UQCC2: variants seen among roughly 807,000 people sequenced by gnomAD.
UQCC2 encodes breast cancer-associated protein SGA-81M.
Under a neutral mutation model 19.9 loss-of-function variants are expected in UQCC2, and 21 were observed. The ratio of observed to expected loss-of-function variants is 1.05; its 90% CI spans 0.75 to 1.52. The LOEUF (loss-of-function observed/expected upper bound fraction) is 1.52, where lower values mean the gene tolerates loss of function less well. Ranked by LOEUF, UQCC2 falls within the 40% of genes most tolerant of loss-of-function variation. UQCC2 has a pLI of 0.00. For synonymous variants in UQCC2, 57 were observed against 60.9 expected, an observed-to-expected ratio of 0.94 and a Z score of 0.30; for missense variants, 135 against 157.5, an observed-to-expected ratio of 0.86 and a Z score of 0.76.
chr6:33,699,338 T>C (rs1023246286), intron 3 of UQCC2, among the ~76,000 whole-genome samples: 1 of 152,192 alleles, frequency 6.6e-6, no homozygotes, highest in African/African-American at 2.4e-5. Flanking sequence ...CGGGACTATC[T>C]CCCAGCCTTC....
At chr6:33,710,066 G>C (rs1765747836) in intron 1 of UQCC2, among the ~76,000 whole-genome samples, 1 of 152,074 alleles carries the variant, frequency 6.6e-6, no homozygotes, top group Non-Finnish European at 1.5e-5. Context: ...AAAATATCTA[G>C]GTGCTATCTT....
At chr6:33,711,147 G>C (rs1447220058) in intron 1 of UQCC2, among the ~76,000 whole-genome samples, 1 of 152,184 alleles carries the variant, frequency 6.6e-6, no homozygotes, top group Non-Finnish European at 1.5e-5. Context: ...CTGAGGTCAA[G>C]ACCCCACCCC....
intron 1 of UQCC2, among the ~76,000 whole-genome samples, chr6:33,708,717 C>G (rs574939437): frequency 6.6e-6 from 1 of 152,188 alleles, no homozygotes; most frequent in Non-Finnish European, 1.5e-5. Context: ...AATGAAGAGC[C>G]TACCAGAATC....
rs1765571372 is a variant in UQCC2 at position 33,697,149 on chromosome 6, TTC to T, written c.*502_*503del. On this transcript the variant is annotated 3_prime_UTR_variant, in exon 4 of 4. Coordinates refer to ENST00000607484, the MANE Select transcript of UQCC2 (RefSeq NM_032340.4). ...AGGGATAGAGGCCTAAGGTCCATCC[TTC>T]TCTGAGTCAGTGGGGATGAGGGCCA... 6.5e-6 allele frequency: 1 copy of T among 154,562 alleles called. No individual in the cohort carries two copies. The highest frequency in any genetic ancestry group is 2.4e-5 in the African/African-American group (1 of 41,492). 9.6% of individuals were successfully genotyped at this position (154,562 alleles called of 1,614,324 possible).
At position 33,710,599 on chromosome 6, in the gene UQCC2, A is replaced by G. The variant is rs544774823; in HGVS notation, c.138+950T>C. On this transcript the variant is annotated intron_variant, in intron 1 of 3. Coordinates refer to ENST00000607484, the MANE Select transcript of UQCC2 (RefSeq NM_032340.4). ...TTGCCTTAGGTCTCACCTATGTGTCATCTCCTCAGAAAGGCCCCACTAATA... is the reference window on the plus strand; with the variant it reads ...TTGCCTTAGGTCTCACCTATGTGTCGTCTCCTCAGAAAGGCCCCACTAATA... 5.3e-5 allele frequency among the ~76,000 whole-genome samples: 8 copies of G among 152,284 alleles called. No individual in the cohort carries two copies. In the South Asian group the frequency reaches 1.7e-3, roughly 32 times the overall value.
chr6:33,711,021 T>C (rs1025163292), intron 1 of UQCC2, among the ~76,000 whole-genome samples: 19 of 152,092 alleles, frequency 1.2e-4, no homozygotes, highest in African/African-American at 4.6e-4. Flanking sequence ...TGCGAAATAA[T>C]GAGGTAATGC....
chr6:33,708,230 G>A (rs1302929107), intron 1 of UQCC2, among the ~76,000 whole-genome samples: 1 of 152,224 alleles, frequency 6.6e-6, no homozygotes, highest in African/African-American at 2.4e-5. Context: ...ACCAGGGGAA[G>A]GAAGTGGTTT....
chr6:33,700,575 TCTAA>T lies in UQCC2; in HGVS notation c.214-66_214-63del, dbSNP rs1765627598. The stretch of plus-strand genomic sequence containing the variant: ...AGAGATCAGCACACAAGCCCTGCTC[TCTAA>T]CTGCATTTCACCTAGGCCCTGGGCA... On this transcript the variant is annotated intron_variant, in intron 2 of 3. Transcript: ENST00000607484. 4 of 1,566,976 alleles carry T rather than the reference TCTAA, an allele frequency of 2.6e-6. No homozygotes were observed. In the Admixed American group the frequency reaches 6.7e-5, roughly 26 times the overall value.
intron 2 of UQCC2, 53 bp downstream of exon 2, chr6:33,701,287 CATTCTT>C (rs1228595645): frequency 2.0e-6 from 3 of 1,515,262 alleles, no homozygotes; most frequent in Admixed American, 3.9e-5. Context: ...GATTTTCACT[CATTCTT>C]ATTAGTTGTC....
Position 33,700,511 on chromosome 6 carries a change from G to GTACT in UQCC2, c.214-2_215dup (p.Tyr72Ter). 1 of 1,614,148 alleles carries GTACT rather than the reference G, an allele frequency of 6.2e-7. No individual in the cohort carries two copies. ...TGAAGCTGGTGTCTCTGGGGCGAGG[G>GTACT]TACTGGTCACCGGGGCAGAAAGGAA... On this transcript the variant is annotated stop_gained and frameshift_variant and splice_region_variant, in exon 3 of 4. Coordinates refer to ENST00000607484, the MANE Select transcript of UQCC2 (RefSeq NM_032340.4). LOFTEE classifies it high-confidence loss of function.
At chr6:33,711,367 G>A (rs562886577) in intron 1 of UQCC2, among the ~76,000 whole-genome samples, 182 bp downstream of exon 1, 20 of 152,350 alleles carry the variant, frequency 1.3e-4, no homozygotes, top group Middle Eastern at 3.4e-3. Flanking sequence ...AGCCGGGGGA[G>A]AGCGCTGAAT....
chr6:33,697,939 G>C, intron 3 of UQCC2, 189 bp from the exon 4 acceptor site: 1 of 591,756 alleles, frequency 1.7e-6, no homozygotes, highest in Non-Finnish European at 3.0e-6. Context: ...TGCGGGGACT[G>C]AGCACTGTGT....
chr6:33,698,142 T>G, intron 3 of UQCC2: 1 of 172,876 alleles, frequency 5.8e-6, no homozygotes, highest in African/African-American at 2.4e-5. Flanking sequence ...GCCCTTCCTG[T>G]CCCCAGTTTT....
At chr6:33,702,179 G>C (rs1405236575) in intron 1 of UQCC2, among the ~76,000 whole-genome samples, 1 of 152,052 alleles carries the variant, frequency 6.6e-6, no homozygotes, top group Non-Finnish European at 1.5e-5. Context: ...GCTAATTTTT[G>C]TATTTTTTAG....
chr6:33,697,851 T>C, intron 3 of UQCC2, 101 bp from the exon 4 acceptor site: 1 of 917,550 alleles, frequency 1.1e-6, no homozygotes, highest in Non-Finnish European at 1.7e-6. Context: ...TGGCTTGCTT[T>C]TCACACAGTG....
chr6:33,709,067 C>A (rs1765734348), intron 1 of UQCC2, among the ~76,000 whole-genome samples: 1 of 152,198 alleles, frequency 6.6e-6, no homozygotes, highest in Non-Finnish European at 1.5e-5. Flanking sequence ...GATGACAACT[C>A]CGAAAGAGAA....
At chr6:33,705,089 T>G (rs1280310464) in intron 1 of UQCC2, among the ~76,000 whole-genome samples, 2 of 151,348 alleles carry the variant, frequency 1.3e-5, no homozygotes, top group African/African-American at 4.9e-5. Context: ...TGGAGTGCAC[T>G]GGCACAATCT....
At chr6:33,709,532 T>C (rs1267856160) in intron 1 of UQCC2, among the ~76,000 whole-genome samples, 2 of 152,202 alleles carry the variant, frequency 1.3e-5, no homozygotes, top group African/African-American at 4.8e-5. Context: ...AGTACAGCTT[T>C]AGAAAGTTCA....
chr6:33,711,406 T>C lies in UQCC2; in HGVS notation c.138+143A>G, dbSNP rs567019789. ...ACGGGCGTCGCTATCAGTAGCTCCCTGGGGGAAAAAGGGGGTCCGCGCTCA... is the reference window on the plus strand; with the variant it reads ...ACGGGCGTCGCTATCAGTAGCTCCCCGGGGGAAAAAGGGGGTCCGCGCTCA... On this transcript the variant is annotated intron_variant, in intron 1 of 3. Transcript: ENST00000607484. 8.8e-6 allele frequency: 11 copies of C among 1,243,758 alleles called. No individual in the cohort carries two copies. In the Admixed American group the frequency reaches 9.3e-5, roughly 11 times the overall value. The allele number at this position is 1,243,758 out of a possible 1,614,324, so 77.0% of individuals were successfully genotyped here.
Sources: allele counts gnomAD v4.1 joint callset (sites outside exome capture counted in the v4.1 genomes callset), GRCh38; gene constraint gnomAD v4.1.1; transcripts MANE v1.5; gene names NCBI Gene and HGNC (gene_info 2026-07-23, HGNC 2026-07-21).